Variants in LRP1B observed in about 807,000 individuals in gnomAD.
The protein encoded by LRP1B is low-density lipoprotein receptor-related protein 1B.
Under a neutral mutation model 556.6 loss-of-function variants are expected in LRP1B, and 217 were observed. That is an observed-to-expected ratio of 0.39 (90% confidence interval 0.35 to 0.44). LRP1B has a LOEUF of 0.44. Among genes scored for constraint, LRP1B ranks in the 20% least tolerant of loss-of-function variants. The pLI is 1.00. For synonymous variants in LRP1B, 2,047 were observed against 1,865.8 expected (o/e 1.10, Z -2.50); for missense variants, 5,053 against 5,620.8 (o/e 0.90, Z 3.23).
chr2:141,057,951 T>C (rs752252543), intron 9 of LRP1B, among the ~76,000 whole-genome samples: 90 of 152,006 alleles, frequency 5.9e-4, no homozygotes, highest in Middle Eastern at 3.4e-3. Context: ...ATTTTCTCTA[T>C]AGCACTTATT....
intron 3 of LRP1B, among the ~76,000 whole-genome samples, chr2:141,397,071 C>T (rs189394604): frequency 3.5e-4 from 45 of 126,966 alleles, no homozygotes; most frequent in Middle Eastern, 6.5e-3. Context: ...CAAGATCCCA[C>T]CATTGCACTC....
At chr2:140,316,979 C>T (rs1684551592) in intron 82 of LRP1B, among the ~76,000 whole-genome samples, 1 of 152,032 alleles carries the variant, frequency 6.6e-6, no homozygotes, top group Non-Finnish European at 1.5e-5. Context: ...TCAGCATTAT[C>T]GACCGAGTGC....
At position 141,480,540 on chromosome 2, in the gene LRP1B, A is replaced by G. The variant is rs2105090474; in HGVS notation, c.206-7T>C. On this transcript the variant is annotated splice_polypyrimidine_tract_variant and splice_region_variant and intron_variant, in intron 2 of 90. Coordinates refer to ENST00000389484, the MANE Select transcript of LRP1B (RefSeq NM_018557.3). ...ATTTCTACCTCCTCGGGACCTGAAA[A>G]GATGTAAAAAAGAACAGAATTATGT... is the stretch of plus-strand genomic sequence containing the variant. 6.2e-7 allele frequency: 1 copy of G among 1,613,768 alleles called. No homozygotes were observed. Among genetic ancestry groups the G allele is most frequent in the Non-Finnish European group, 8.5e-7 (1 of 1,179,758 alleles).
intron 11 of LRP1B, among the ~76,000 whole-genome samples, chr2:141,024,221 A>G (rs1298399096): frequency 6.6e-6 from 1 of 152,020 alleles, no homozygotes; most frequent in African/African-American, 2.4e-5. Context: ...CTCTGGTCAC[A>G]GACTAAAGAT....
At chr2:140,960,429 G>A (rs2105314198) in intron 18 of LRP1B, among the ~76,000 whole-genome samples, 1 of 151,902 alleles carries the variant, frequency 6.6e-6, no homozygotes, top group African/African-American at 2.4e-5. Flanking sequence ...GCTTCACACT[G>A]CCAGATCCTG....
intron 32 of LRP1B, among the ~76,000 whole-genome samples, chr2:140,778,022 GA>G (rs978807473): frequency 4.0e-5 from 6 of 151,858 alleles, no homozygotes; most frequent in Middle Eastern, 3.4e-3. Flanking sequence ...CTCACAGGGG[GA>G]AAAAAATGCC....
At chr2:140,575,575 A>G (rs1387431100) in intron 43 of LRP1B, among the ~76,000 whole-genome samples, 3 of 152,138 alleles carry the variant, frequency 2.0e-5, no homozygotes, top group African/African-American at 7.2e-5. Flanking sequence ...TGTGAATTTT[A>G]ATAAGAATGG....
intron 17 of LRP1B, among the ~76,000 whole-genome samples, chr2:140,987,263 G>A (rs989814777): frequency 2.0e-5 from 3 of 152,080 alleles, no homozygotes; most frequent in African/African-American, 4.8e-5. Flanking sequence ...CTAGTAGTGA[G>A]CAGCAGACTT....
intron 1 of LRP1B, among the ~76,000 whole-genome samples, chr2:142,098,509 CAT>C (rs1475531028): frequency 2.0e-5 from 3 of 151,652 alleles, no homozygotes; most frequent in Non-Finnish European, 4.4e-5. Context: ...AATTAGAGAA[CAT>C]GTTTTACTAT....
intron 2 of LRP1B, among the ~76,000 whole-genome samples, chr2:141,719,988 C>T (rs983959326): frequency 6.6e-6 from 1 of 152,012 alleles, no homozygotes; most frequent in Non-Finnish European, 1.5e-5. Context: ...TGTATCCTTG[C>T]ATCTAAAATA....
intron 3 of LRP1B, among the ~76,000 whole-genome samples, chr2:141,354,113 T>C (rs1028624245): frequency 1.3e-5 from 2 of 152,088 alleles, no homozygotes; most frequent in East Asian, 1.9e-4. Context: ...TCGGGTACTA[T>C]GCTTATCACC....
chr2:141,003,032 A>C (rs970191378), intron 15 of LRP1B, among the ~76,000 whole-genome samples: 1 of 151,948 alleles, frequency 6.6e-6, no homozygotes, highest in Non-Finnish European at 1.5e-5. Flanking sequence ...AATAATTTAA[A>C]ACTGAGGGTA....
chr2:141,244,916 G>C lies in LRP1B; in HGVS notation c.592+2310C>G, dbSNP rs80121988. On this transcript the variant is annotated intron_variant, in intron 5 of 90. Coordinates refer to ENST00000389484, the MANE Select transcript of LRP1B (RefSeq NM_018557.3). ...ATCAAGCAAAAGACCTAGAGGTGAA[G>C]AGATTTATGTATTCCATTATCAATT... is the stretch of plus-strand genomic sequence containing the variant. Among the ~76,000 whole-genome samples the C allele has an allele frequency of 5.7e-3, 862 of 152,156 alleles. 10 individuals are homozygous for C. Among genetic ancestry groups the C allele is most frequent in the African/African-American group, 0.019 (791 of 41,544 alleles).
intron 85 of LRP1B, among the ~76,000 whole-genome samples, chr2:140,270,915 C>T (rs1204679187): frequency 6.6e-6 from 1 of 151,754 alleles, no homozygotes; most frequent in African/African-American, 2.4e-5. Flanking sequence ...TTTATTCTAA[C>T]ATAAAAAAAT....
At chr2:141,176,631 G>A (rs898193397) in intron 7 of LRP1B, among the ~76,000 whole-genome samples, 4 of 151,874 alleles carry the variant, frequency 2.6e-5, no homozygotes, top group Non-Finnish European at 5.9e-5. Flanking sequence ...TTATAGTAGT[G>A]TGAGAACAGA....
At chr2:141,381,446 A>C (rs1047287832) in intron 3 of LRP1B, among the ~76,000 whole-genome samples, 1 of 152,068 alleles carries the variant, frequency 6.6e-6, no homozygotes, top group Non-Finnish European at 1.5e-5. Flanking sequence ...TGGAAATTCC[A>C]GAAGGAGAAA....
intron 7 of LRP1B, among the ~76,000 whole-genome samples, chr2:141,067,388 G>T (rs942307760): frequency 7.2e-5 from 11 of 151,902 alleles, no homozygotes; most frequent in Non-Finnish European, 1.6e-4. Context: ...GTTATTTATT[G>T]ATCTTTACTT....
intron 6 of LRP1B, among the ~76,000 whole-genome samples, chr2:141,219,526 A>T (rs1389378142): frequency 1.3e-5 from 2 of 152,206 alleles, no homozygotes; most frequent in Non-Finnish European, 2.9e-5. Flanking sequence ...GTCTGCTGGC[A>T]GTCCAGATGA....
At chr2:142,092,314 A>C (rs1171552286) in intron 1 of LRP1B, among the ~76,000 whole-genome samples, 1 of 136,214 alleles carries the variant, frequency 7.3e-6, no homozygotes, top group Non-Finnish European at 1.6e-5. Flanking sequence ...CTAAGCCTAC[A>C]TTTTAAAAAA....
Sources: gnomAD v4.1 joint callset for allele counts (sites outside exome capture counted in the v4.1 genomes callset) on GRCh38, gnomAD v4.1.1 for gene constraint, MANE v1.5 for transcripts, NCBI Gene and HGNC (gene_info 2026-07-23, HGNC 2026-07-21) for gene names.